HMGA2: variants seen among roughly 807,000 people sequenced by gnomAD.
HMGA2 encodes high mobility group AT-hook 2.
Under a neutral mutation model 19.1 loss-of-function variants are expected in HMGA2, and 8 were observed. That is an observed-to-expected ratio of 0.42 (90% confidence interval 0.25 to 0.76). The LOEUF (loss-of-function observed/expected upper bound fraction) is 0.76, where lower values mean the gene tolerates loss of function less well. Among genes scored for constraint, HMGA2 ranks in the 30% least tolerant of loss-of-function variants. The pLI, the probability that HMGA2 is intolerant of heterozygous loss-of-function variation, is 0.28. For missense variants in HMGA2, 109 were observed against 136.3 expected (o/e 0.80, Z 1.00); for synonymous variants, 60 against 48.8 (o/e 1.23, Z -0.96).
chr12:65,898,901 G>A (rs575649128), intron 3 of HMGA2, among the ~76,000 whole-genome samples: 47 of 152,010 alleles, frequency 3.1e-4, no homozygotes, highest in Non-Finnish European at 5.7e-4. Flanking sequence ...AAAATTAGCC[G>A]GGCGTGGTGG....
chr12:65,958,706 T>C (rs936353286), intron 4 of HMGA2: 1 of 152,166 alleles, frequency 6.6e-6, no homozygotes, highest in Non-Finnish European at 1.5e-5. Flanking sequence ...CATACACAGA[T>C]GACAAAAAAG....
intron 3 of HMGA2, among the ~76,000 whole-genome samples, chr12:65,917,628 G>A (rs766659322): frequency 2.6e-5 from 4 of 152,128 alleles, no homozygotes; most frequent in Non-Finnish European, 4.4e-5. Context: ...AGGCAGAAGG[G>A]AGAAAAGGAA....
In HMGA2 at chr12:65,963,990, T is replaced by C; in HGVS notation, c.*698T>C. 4.8e-6 allele frequency: 1 copy of C among 208,792 alleles called. No individual in the cohort carries two copies. Among genetic ancestry groups the C allele is most frequent in the Non-Finnish European group, 9.8e-6 (1 of 102,402 alleles). The allele number at this position is 208,792 out of a possible 1,614,324, so 12.9% of individuals were successfully genotyped here. Reference sequence around the variant, plus strand: ...GTAAGCAAACAAATATTGCCAACTCTTCTATTTATGGATATCACACATATC... The same window carrying C: ...GTAAGCAAACAAATATTGCCAACTCCTCTATTTATGGATATCACACATATC... On this transcript the variant is annotated 3_prime_UTR_variant, in exon 5 of 5. Transcript: ENST00000403681.
At chr12:65,871,238 A>T (rs1272634322) in intron 3 of HMGA2, among the ~76,000 whole-genome samples, 2 of 152,236 alleles carry the variant, frequency 1.3e-5, no homozygotes, top group African/African-American at 2.4e-5. Context: ...CAGTATCAAC[A>T]AATAAAGTAT....
intron 3 of HMGA2, among the ~76,000 whole-genome samples, chr12:65,862,108 G>A (rs1872121495): frequency 6.6e-6 from 1 of 152,044 alleles, no homozygotes; most frequent in South Asian, 2.1e-4. Flanking sequence ...GCCTCCCAAA[G>A]TGCTGGGATT....
At chr12:65,854,106 G>A (rs1565708862) in intron 3 of HMGA2, among the ~76,000 whole-genome samples, 2 of 152,246 alleles carry the variant, frequency 1.3e-5, no homozygotes, top group African/African-American at 2.4e-5. Flanking sequence ...TACACATTTC[G>A]AGATATCCTG....
intron 3 of HMGA2, among the ~76,000 whole-genome samples, chr12:65,910,592 C>A (rs1874801676): frequency 6.6e-6 from 1 of 152,122 alleles, no homozygotes; most frequent in Non-Finnish European, 1.5e-5. Context: ...TTCCTTTGCT[C>A]CTGCATGCAT....
chr12:65,959,898 C>T (rs553905585), intron 4 of HMGA2, among the ~76,000 whole-genome samples: 1,735 of 150,502 alleles, frequency 0.012, 19 homozygotes, highest in Non-Finnish European at 0.018. Context: ...CTTTTTTTTT[C>T]TTTTTATTTG....
chr12:65,955,452 T>G (rs1229038957), intron 4 of HMGA2: 4 of 152,156 alleles, frequency 2.6e-5, no homozygotes, highest in Non-Finnish European at 5.9e-5. Flanking sequence ...ATTTGATCGT[T>G]TATTGCTATT....
Position 65,898,841 on chromosome 12 carries a change from G to C in HMGA2, c.250-52542G>C, listed in dbSNP as rs553205516. Among the ~76,000 whole-genome samples the C allele has an allele frequency of 1.4e-4, 22 of 151,974 alleles. No homozygotes were observed. In the East Asian group the frequency reaches 3.9e-3, roughly 27 times the overall value. ...AGGCAGGTCACAAGGTCAGGAGATC[G>C]AGACCATCCTGGATAACACAGTGAA... is the stretch of plus-strand genomic sequence containing the variant. On this transcript the variant is annotated intron_variant, in intron 3 of 4. Coordinates refer to ENST00000403681, the MANE Select transcript of HMGA2 (RefSeq NM_003483.6).
At chr12:65,923,496 G>C (rs895655262) in intron 3 of HMGA2, among the ~76,000 whole-genome samples, 2 of 152,200 alleles carry the variant, frequency 1.3e-5, no homozygotes. Flanking sequence ...TGGTACAGTA[G>C]TGAGCTCCCC....
intron 3 of HMGA2, among the ~76,000 whole-genome samples, chr12:65,920,338 G>T (rs1875261216): frequency 1.3e-5 from 2 of 152,064 alleles, no homozygotes; most frequent in South Asian, 4.1e-4. Context: ...CTGGGGGCTT[G>T]CCAAGTCCTC....
intron 3 of HMGA2, among the ~76,000 whole-genome samples, chr12:65,884,008 G>T (rs1873552999): frequency 3.9e-5 from 6 of 152,132 alleles, no homozygotes; most frequent in Admixed American, 3.9e-4. Context: ...TGGGATTACA[G>T]GCGCGCACCA....
chr12:65,962,866 TTG>T (rs1485387459), intron 4 of HMGA2, among the ~76,000 whole-genome samples: 2 of 152,126 alleles, frequency 1.3e-5, no homozygotes, highest in Non-Finnish European at 2.9e-5. Context: ...TCTATTTTTC[TTG>T]TGTGCCGGTT....
chr12:65,837,863 G>A (rs940526328), intron 2 of HMGA2, among the ~76,000 whole-genome samples: 1 of 151,990 alleles, frequency 6.6e-6, no homozygotes, highest in Non-Finnish European at 1.5e-5. Flanking sequence ...TTAATCACTG[G>A]GACAAACTGA....
chr12:65,838,427 C>T (rs2120872152), intron 2 of HMGA2, 92 bp from the exon 3 acceptor site: 1 of 942,870 alleles, frequency 1.1e-6, no homozygotes, highest in East Asian at 2.6e-5. Flanking sequence ...ATCTGCAAAG[C>T]AGAACATTCT....
Position 65,825,444 on chromosome 12 carries a change from C to A in HMGA2, c.111+63C>A. Reference sequence around the variant, plus strand: ...CGTCCCCACTGCCGGGGCCCAGACACGCGCGGGGCGGCCGGAGTGCGGGAG... The same window carrying A: ...CGTCCCCACTGCCGGGGCCCAGACAAGCGCGGGGCGGCCGGAGTGCGGGAG... On this transcript the variant is annotated intron_variant, in intron 1 of 4. Coordinates refer to ENST00000403681, the MANE Select transcript of HMGA2 (RefSeq NM_003483.6). The surrounding 1 kb of genome is among the most constrained non-coding windows in gnomAD (Gnocchi z 4.4). 1.7e-6 allele frequency: 2 copies of A among 1,202,698 alleles called. No homozygotes were observed. 74.5% of individuals were successfully genotyped at this position (1,202,698 alleles called of 1,614,324 possible). A position where few individuals can be genotyped will look rare whatever the true frequency, so the allele number is the denominator to read the frequency against.
chr12:65,936,568 C>T (rs1182436413), intron 3 of HMGA2, among the ~76,000 whole-genome samples: 1 of 152,120 alleles, frequency 6.6e-6, no homozygotes, highest in Non-Finnish European at 1.5e-5. Context: ...AATCATTCAT[C>T]ACAGTGGTAC....
Position 65,838,514 on chromosome 12 carries a change from T to C in HMGA2, c.199-5T>C, listed in dbSNP as rs763682813. On this transcript the variant is annotated splice_region_variant and splice_polypyrimidine_tract_variant and intron_variant, in intron 2 of 4. Transcript: ENST00000403681. ...AACTATAATGACTTCCTTTTTCATTTGCAGAAAGCAGAAGCCACTGGAGAA... is the reference window on the plus strand; with the variant it reads ...AACTATAATGACTTCCTTTTTCATTCGCAGAAAGCAGAAGCCACTGGAGAA... The C allele has an allele frequency of 6.2e-7, 1 of 1,609,806 alleles. No homozygotes were observed. The highest frequency in any genetic ancestry group is 8.5e-7 in the Non-Finnish European group (1 of 1,176,598).
Sources: allele counts gnomAD v4.1 joint callset (sites outside exome capture counted in the v4.1 genomes callset), GRCh38; gene constraint gnomAD v4.1.1; non-coding constraint Gnocchi (gnomAD v3.1); transcripts MANE v1.5; gene names NCBI Gene and HGNC (gene_info 2026-07-23, HGNC 2026-07-21).